The following PRKAG2 variants were observed in gnomAD, a reference collection of about 807,000 sequenced individuals.
PRKAG2 encodes the protein protein kinase AMP-activated non-catalytic subunit gamma 2.
A neutral mutation model predicts 69.6 loss-of-function variants in PRKAG2; 26 were observed. The ratio of observed to expected loss-of-function variants is 0.37; its 90% CI spans 0.27 to 0.52. The LOEUF (loss-of-function observed/expected upper bound fraction) is 0.52, where lower values mean the gene tolerates loss of function less well. PRKAG2 is among the 20% of genes least tolerant of loss of function. The pLI, the probability that PRKAG2 is intolerant of heterozygous loss-of-function variation, is 0.90. For synonymous variants in PRKAG2, 293 were observed against 285.0 expected, an observed-to-expected ratio of 1.03 and a Z score of -0.28; for missense variants, 557 against 740.0, an observed-to-expected ratio of 0.75 and a Z score of 2.87.
At chr7:151,745,438 G>A (rs1278420473) in intron 3 of PRKAG2, among the ~76,000 whole-genome samples, 2 of 152,192 alleles carry the variant, frequency 1.3e-5, no homozygotes, top group Non-Finnish European at 2.9e-5. Flanking sequence ...AGGTGTTTAT[G>A]AGCTGGCACC....
chr7:151,796,851 C>T (rs374903025), intron 1 of PRKAG2, among the ~76,000 whole-genome samples: 4 of 152,150 alleles, frequency 2.6e-5, no homozygotes, highest in Admixed American at 6.5e-5. Flanking sequence ...AGCCCCTGTA[C>T]GGAGGGAACA....
At chr7:151,570,126 A>C in intron 10 of PRKAG2, 45 bp downstream of exon 10, 1 of 1,573,964 alleles carries the variant, frequency 6.4e-7, no homozygotes, top group South Asian at 1.1e-5. Context: ...GATAAAACAC[A>C]TACATCTGAA....
intron 5 of PRKAG2, among the ~76,000 whole-genome samples, chr7:151,597,949 C>T (rs1254560356): frequency 6.6e-6 from 1 of 152,080 alleles, no homozygotes; most frequent in Non-Finnish European, 1.5e-5. Context: ...CCAGCAATCC[C>T]ACTACCGGGT....
rs752294420 is a variant in PRKAG2 at position 151,781,435 on chromosome 7, C to T, written c.187-4G>A. ...CCGGGCCGAAGGGGCTGTCCACCTG[C>T]AGAAAAACAGACGAATGGATGCAGT... On this transcript the variant is annotated splice_region_variant and splice_polypyrimidine_tract_variant and intron_variant, in intron 2 of 15. Transcript: ENST00000287878. This position sits in a 1 kb window ranked among gnomAD's most constrained non-coding sequence, Gnocchi z 6.1. 2.1e-5 allele frequency: 34 copies of T among 1,601,312 alleles called. No homozygotes were observed. Among genetic ancestry groups the T allele is most frequent in the Non-Finnish European group, 2.5e-5 (29 of 1,174,628 alleles).
At chr7:151,799,783 T>C (rs1479932279) in intron 1 of PRKAG2, among the ~76,000 whole-genome samples, 1 of 152,082 alleles carries the variant, frequency 6.6e-6, no homozygotes, top group Admixed American at 6.5e-5. Flanking sequence ...CTACTCCCCA[T>C]TCCAGGCCAC....
At chr7:151,713,294 T>G (rs1158400132) in intron 3 of PRKAG2, among the ~76,000 whole-genome samples, 1 of 152,184 alleles carries the variant, frequency 6.6e-6, no homozygotes, top group Admixed American at 6.5e-5. Flanking sequence ...CTTTGTTTCC[T>G]TTTGCTCTGA....
chr7:151,820,187 G>A (rs1260459626), intron 1 of PRKAG2, among the ~76,000 whole-genome samples: 3 of 152,222 alleles, frequency 2.0e-5, no homozygotes, highest in Admixed American at 6.5e-5. Flanking sequence ...TATTCACGCC[G>A]GCAGCTGGAA....
Position 151,567,380 on chromosome 7 carries a change from G to A in PRKAG2, c.1233+1336C>T, listed in dbSNP as rs568753416. On this transcript the variant is annotated intron_variant, in intron 11 of 15. Coordinates refer to ENST00000287878, the MANE Select transcript of PRKAG2 (RefSeq NM_016203.4). The surrounding 1 kb of genome is among the most constrained non-coding windows in gnomAD (Gnocchi z 4.2). Reference sequence around the variant, plus strand: ...AATACCTACCTGATAGGGTAGCAGCGAGGATGAGATTATGTCAAGTGCTTA... The same window carrying A: ...AATACCTACCTGATAGGGTAGCAGCAAGGATGAGATTATGTCAAGTGCTTA... Among the ~76,000 whole-genome samples the A allele has an allele frequency of 7.1e-4, 108 of 152,258 alleles. 1 individual carries two copies. The highest frequency in any genetic ancestry group is 4.2e-3 in the South Asian group (20 of 4,808).
rs577752837 is a variant in PRKAG2 at position 151,606,227 on chromosome 7, G to A, written c.755-10773C>T. On this transcript the variant is annotated intron_variant, in intron 5 of 15. Coordinates refer to ENST00000287878, the MANE Select transcript of PRKAG2 (RefSeq NM_016203.4). ...TTTCTGTTGAGTGGGAATAAGGACA[G>A]ATTATTACTGATGTAATAAAACAAC... is the stretch of plus-strand genomic sequence containing the variant. Among the ~76,000 whole-genome samples, 258 of 152,270 alleles carry A rather than the reference G, an allele frequency of 1.7e-3. 4 individuals carry two copies. The highest frequency in any genetic ancestry group is 5.9e-3 in the African/African-American group (244 of 41,554).
intron 1 of PRKAG2, among the ~76,000 whole-genome samples, chr7:151,832,595 T>TG (rs34839120): frequency 0.48 from 67,711 of 141,454 alleles, 16,581 homozygotes; most frequent in African/African-American, 0.59. Flanking sequence ...GAGGCATCTC[T>TG]GGGGGGGGGG....
intron 14 of PRKAG2, among the ~76,000 whole-genome samples, chr7:151,562,149 G>A (rs575897994): frequency 7.2e-6 from 1 of 138,050 alleles, no homozygotes; most frequent in Admixed American, 7.8e-5. Flanking sequence ...GGAGGCTGAA[G>A]CAGGAGAATC....
At chr7:151,743,014 G>A (rs1231962941) in intron 3 of PRKAG2, among the ~76,000 whole-genome samples, 2 of 152,180 alleles carry the variant, frequency 1.3e-5, no homozygotes. Context: ...ACCACTCACA[G>A]GCGGATGGGG....
chr7:151,758,593 C>A (rs1344800265), intron 3 of PRKAG2, among the ~76,000 whole-genome samples: 1 of 152,192 alleles, frequency 6.6e-6, no homozygotes, highest in African/African-American at 2.4e-5. Flanking sequence ...TCCCCAGAGA[C>A]ATGGTGTTCT....
intron 7 of PRKAG2, among the ~76,000 whole-genome samples, chr7:151,575,896 CAAAAA>C (rs397769419): frequency 1.6e-5 from 1 of 63,518 alleles, no homozygotes; most frequent in Admixed American, 1.7e-4. Flanking sequence ...AATGAGGCGG[CAAAAA>C]AAAAAAAAAA....
intron 3 of PRKAG2, among the ~76,000 whole-genome samples, chr7:151,746,951 G>A (rs1280982011): frequency 6.6e-6 from 1 of 152,230 alleles, no homozygotes; most frequent in Non-Finnish European, 1.5e-5. Flanking sequence ...GAGGAATGAA[G>A]GGATTTTCTC....
Position 151,689,764 on chromosome 7 carries a change from C to G in PRKAG2, c.467-14127G>C, listed in dbSNP as rs563276102. 2.4e-4 allele frequency among the ~76,000 whole-genome samples: 36 copies of G among 152,290 alleles called. No individual in the cohort carries two copies. The South Asian group carries it at 7.0e-3, about 30-fold the overall frequency. On this transcript the variant is annotated intron_variant, in intron 3 of 15. Transcript: ENST00000287878. ...TGACTCAACACATCATCTGACGCCA[C>G]CCCGGCAGGCCCTCTGGGTGTCAGG...
At chr7:151,698,274 G>T (rs1218294500) in intron 3 of PRKAG2, among the ~76,000 whole-genome samples, 1 of 152,194 alleles carries the variant, frequency 6.6e-6, no homozygotes, top group Admixed American at 6.5e-5. Context: ...CCCTTGTGAG[G>T]CCTCAGCTGT....
intron 3 of PRKAG2, among the ~76,000 whole-genome samples, chr7:151,753,991 C>G (rs1373133930): frequency 6.6e-6 from 1 of 152,122 alleles, no homozygotes; most frequent in African/African-American, 2.4e-5. Flanking sequence ...TGCACTCCAG[C>G]CTGAGAGGCA....
chr7:151,589,959 A>G (rs73479332), intron 6 of PRKAG2, among the ~76,000 whole-genome samples: 39 of 152,282 alleles, frequency 2.6e-4, no homozygotes, highest in African/African-American at 4.3e-4. Context: ...AGAAGAAGAA[A>G]AAAGAAACTG....
Sources: gnomAD v4.1 joint callset for allele counts (sites outside exome capture counted in the v4.1 genomes callset) on GRCh38, gnomAD v4.1.1 for gene constraint, Gnocchi (gnomAD v3.1) non-coding constraint, MANE v1.5 for transcripts, NCBI Gene and HGNC (gene_info 2026-07-23, HGNC 2026-07-21) for gene names.